Variants in PLK1 observed in about 807,000 individuals in gnomAD.
PLK1 encodes polo like kinase 1, also known as serine/threonine-protein kinase PLK1.
Under a neutral mutation model 56.7 loss-of-function variants are expected in PLK1, and 6 were observed. The ratio of observed to expected loss-of-function variants is 0.11; its 90% confidence interval spans 0.06 to 0.21. The LOEUF (loss-of-function observed/expected upper bound fraction) is 0.21, where lower values mean the gene tolerates loss of function less well. Among genes scored for constraint, PLK1 ranks in the 10% least tolerant of loss-of-function variants. PLK1 has a pLI of 1.00. For synonymous variants in PLK1, 298 were observed against 325.0 expected (o/e 0.92, Z 0.89); for missense variants, 546 against 814.4 (o/e 0.67, Z 4.01).
intron 3 of PLK1, among the ~76,000 whole-genome samples, chr16:23,681,346 C>T (rs2140997952): frequency 6.6e-6 from 1 of 152,326 alleles, no homozygotes. Flanking sequence ...GCAGCATCAC[C>T]ATCATCTGGG....
At chr16:23,684,133 GC>G in intron 5 of PLK1, 44 bp downstream of exon 5, 1 of 1,510,470 alleles carries the variant, frequency 6.6e-7, no homozygotes, top group African/African-American at 1.4e-5. Context: ...CCCAGAGAAA[GC>G]CCAGGTTGTA....
In PLK1 at chr16:23,679,187, T is replaced by C. The variant is rs1959284571; in HGVS notation, c.255T>C (p.Pro85=). ...AGGTGTTCGCGGGCAAGATTGTGCC[T>C]AAGTCTCTGCTGCTCAAGCCGCACC... ...TKEVFAGKIV[P]KSLLLKPHQR... is the part of the protein sequence containing the mutation. Residue 85 remains proline, a synonymous_variant, in exon 1 of 10, where the codon CCT becomes CCC. Transcript: ENST00000300093. 6.2e-7 allele frequency: 1 copy of C among 1,613,874 alleles called. No homozygotes were observed. The highest frequency in any genetic ancestry group is 1.1e-5 in the South Asian group (1 of 91,084).
intron 5 of PLK1, 59 bp downstream of exon 5, chr16:23,684,148 G>A: frequency 1.5e-6 from 2 of 1,353,770 alleles, no homozygotes; most frequent in Non-Finnish European, 1.1e-6. Flanking sequence ...GGTTGTAGGG[G>A]TGTGTGCAGC....
intron 3 of PLK1, among the ~76,000 whole-genome samples, 192 bp downstream of exon 3, chr16:23,681,250 G>A (rs1448749818): frequency 3.3e-5 from 5 of 152,162 alleles, no homozygotes; most frequent in Non-Finnish European, 7.3e-5. Flanking sequence ...TCGGATTTCT[G>A]CAGCCTAGGT....
Position 23,678,902 on chromosome 16 carries a change from G to A in PLK1, c.-31G>A. ...GCGGAGCGGTGCGGAGGCTCTGCTC[G>A]GATCGAGGTCTGCAGCGCAGCTTCG... On this transcript the variant is annotated 5_prime_UTR_variant, in exon 1 of 10. Coordinates refer to ENST00000300093, the MANE Select transcript of PLK1 (RefSeq NM_005030.6). The A allele has an allele frequency of 6.8e-7, 1 of 1,464,664 alleles. No homozygotes were observed. The highest frequency in any genetic ancestry group is 9.0e-7 in the Non-Finnish European group (1 of 1,106,864). The allele number at this position is 1,464,664 out of a possible 1,614,324, so 90.7% of individuals were successfully genotyped here.
rs371297722 is a variant in PLK1 at position 23,679,148 on chromosome 16, C to T, written c.216C>T (p.Asp72=). 1.2e-5 allele frequency: 20 copies of T among 1,613,164 alleles called. No individual in the cohort carries two copies. In the African/African-American group the frequency reaches 2.5e-4, roughly 20 times the overall value. The change falls in exon 1 of 10, where the codon GAC becomes GAT. Residue 72 remains aspartate, a synonymous_variant. Coordinates refer to ENST00000300093, the MANE Select transcript of PLK1 (RefSeq NM_005030.6). ...TTGCCAAGTGCTTCGAGATCTCGGA[C>T]GCGGACACCAAGGAGGTGTTCGCGG... is the stretch of plus-strand genomic sequence containing the variant. ...GGFAKCFEIS[D]ADTKEVFAGK...
intron 1 of PLK1, 98 bp from the exon 2 acceptor site, chr16:23,679,986 G>C (rs2140997402): frequency 1.2e-6 from 1 of 800,400 alleles, no homozygotes; most frequent in Non-Finnish European, 2.1e-6. Flanking sequence ...GGAGTCCAGA[G>C]TCCAGTCCTG....
intron 2 of PLK1, 135 bp downstream of exon 2, chr16:23,680,387 T>A (rs1377881070): frequency 1.5e-6 from 1 of 657,474 alleles, no homozygotes; most frequent in Non-Finnish European, 2.6e-6. Flanking sequence ...TGTGCCCCAA[T>A]GCAATATTTT....
intron 5 of PLK1, among the ~76,000 whole-genome samples, chr16:23,684,426 C>T (rs939925679): frequency 4.6e-5 from 7 of 152,224 alleles, no homozygotes; most frequent in Admixed American, 3.3e-4. Flanking sequence ...AATCACAGCT[C>T]ACTGCAGCTT....
chr16:23,688,540 G>T, intron 6 of PLK1, 128 bp from the exon 7 acceptor site: 5 of 746,934 alleles, frequency 6.7e-6, no homozygotes, highest in Admixed American at 2.0e-5. Context: ...TGGGGCCCTA[G>T]GCCTCTCAAC....
intron 3 of PLK1, among the ~76,000 whole-genome samples, chr16:23,681,302 C>T (rs1482595878): frequency 6.6e-6 from 1 of 152,172 alleles, no homozygotes; most frequent in Non-Finnish European, 1.5e-5. Context: ...TCTCCACAAC[C>T]TTACTGTAGT....
chr16:23,679,809 C>A (rs999631629), intron 1 of PLK1: 3 of 348,630 alleles, frequency 8.6e-6, no homozygotes, highest in Non-Finnish European at 1.6e-5. Context: ...CGGAGTGGGG[C>A]TGAGAGAGGA....
In PLK1 at chr16:23,689,536, T is replaced by C. The variant is rs1959502559; in HGVS notation, c.1468T>C (p.Leu490=). Reference sequence around the variant, plus strand: ...TTTCCGCAATTACATGAGCGAGCACTTGCTGAAGGCAGGTGCCAACATCAC... The same window carrying C: ...TTTCCGCAATTACATGAGCGAGCACCTGCTGAAGGCAGGTGCCAACATCAC... ...KYFRNYMSEH[L]LKAGANITPR... Residue 490 remains leucine (L), a synonymous_variant, in exon 9 of 10, where the codon TTG becomes CTG. Transcript: ENST00000300093. The surrounding 1 kb of genome is among the most constrained non-coding windows in gnomAD (Gnocchi z 4.8). 1 of 1,613,250 alleles carries C rather than the reference T, an allele frequency of 6.2e-7. No individual in the cohort carries two copies. The highest frequency in any genetic ancestry group is 1.1e-5 in the South Asian group (1 of 91,084).
intron 1 of PLK1, chr16:23,679,746 CCG>C (rs1222329383): frequency 7.0e-6 from 2 of 284,274 alleles, no homozygotes; most frequent in East Asian, 1.3e-4. Context: ...TTCGGGCCTT[CCG>C]GGGGAGATAC....
chr16:23,687,606 C>A lies in PLK1; in HGVS notation c.1174C>A (p.Arg392Ser), dbSNP rs756741138. The A allele has an allele frequency of 6.3e-7, 1 of 1,586,692 alleles. No individual in the cohort carries two copies. Among genetic ancestry groups the A allele is most frequent in the East Asian group, 2.3e-5 (1 of 43,332 alleles). Residue 392 changes from arginine to serine, a missense_variant, in exon 6 of 10, where the codon CGT becomes AGT. Arg to Ser is a moderately radical substitution (Grantham distance 110). Coordinates refer to ENST00000300093, the MANE Select transcript of PLK1 (RefSeq NM_005030.6). ...TGTCAATGCCTCCAAGCCCTCGGAG[C>A]GTGGGCTGGTCAGGCAAGGTGGGTA... ...HSVNASKPSE[R>S]GLVRQEEAED... is the part of the protein sequence containing the mutation.
Position 23,679,217 on chromosome 16 carries a change from G to T in PLK1, c.285G>T (p.Arg95Ser). 1 of 1,614,152 alleles carries T rather than the reference G, an allele frequency of 6.2e-7. No individual in the cohort carries two copies. Among genetic ancestry groups the T allele is most frequent in the Non-Finnish European group, 8.5e-7 (1 of 1,180,046 alleles). Reference sequence around the variant, plus strand: ...CTCTGCTGCTCAAGCCGCACCAGAGGGAGAAGATGTCCATGGAAATATCCA... The same window carrying T: ...CTCTGCTGCTCAAGCCGCACCAGAGTGAGAAGATGTCCATGGAAATATCCA... ...PKSLLLKPHQ[R>S]EKMSMEISIH... The change falls in exon 1 of 10, where the codon AGG (arginine) becomes AGT (serine). Residue 95 changes from arginine (R) to serine (S), a missense_variant. This residue lies in a region of PLK1 where 111 missense variants were observed against 211.8 expected (regional missense o/e 0.52). Transcript: ENST00000300093.
At chr16:23,685,263 T>G (rs1959408518) in intron 5 of PLK1, among the ~76,000 whole-genome samples, 1 of 151,888 alleles carries the variant, frequency 6.6e-6, no homozygotes, top group Non-Finnish European at 1.5e-5. Context: ...CTACATACCT[T>G]GCAGCAATTA....
At chr16:23,687,854 C>G (rs1959454234) in intron 6 of PLK1, 1 of 350,912 alleles carries the variant, frequency 2.8e-6, no homozygotes, top group Non-Finnish European at 5.1e-6. Flanking sequence ...TACGCTGTTT[C>G]TTTTGCTCAG....
rs1317858926 is a variant in PLK1, at chr16:23,689,726, T to C, written c.1608+50T>C. The C allele has an allele frequency of 8.3e-6, 13 of 1,561,952 alleles. No individual in the cohort carries two copies. The highest frequency in any genetic ancestry group is 1.1e-5 in the Non-Finnish European group (13 of 1,146,774). On this transcript the variant is annotated intron_variant, in intron 9 of 9. Transcript: ENST00000300093. This position sits in a 1 kb window ranked among gnomAD's most constrained non-coding sequence, Gnocchi z 4.8. ...GGAGAGAGCTGGGGTAGGCTCCGCA[T>C]GCCTGGCAGTGGCCCATGTGGGTTG...
Sources: gnomAD v4.1 joint callset for allele counts (sites outside exome capture counted in the v4.1 genomes callset) on GRCh38, gnomAD v4.1.1 for gene constraint, gnomAD v4.1.1 regional missense constraint, Gnocchi (gnomAD v3.1) non-coding constraint, MANE v1.5 for transcripts, NCBI Gene and HGNC (gene_info 2026-07-23, HGNC 2026-07-21) for gene names.